The following ATG10 variants were observed in gnomAD, a reference collection of about 807,000 sequenced individuals.
The protein encoded by ATG10 is autophagy related 10.
ATG10 carries 30 observed loss-of-function variants against 32.1 expected under a neutral mutation model. The ratio of observed to expected loss-of-function variants is 0.94; its 90% CI spans 0.70 to 1.27. The LOEUF (loss-of-function observed/expected upper bound fraction) is 1.27. Among genes scored for constraint, ATG10 ranks in the 50% most tolerant of loss-of-function variants. ATG10 has a pLI of 0.00. For missense variants in ATG10, 233 were observed against 262.3 expected, an observed-to-expected ratio of 0.89 and a Z score of 0.77; for synonymous variants, 87 against 91.5, an observed-to-expected ratio of 0.95 and a Z score of 0.28.
At chr5:82,160,585 C>T (rs1036082238) in intron 3 of ATG10, among the ~76,000 whole-genome samples, 4 of 152,110 alleles carry the variant, frequency 2.6e-5, no homozygotes, top group Admixed American at 1.3e-4. Context: ...TATGGTTTTC[C>T]AGAGAGGCTA....
intron 1 of ATG10, among the ~76,000 whole-genome samples, chr5:81,982,866 G>T (rs943543306): frequency 3.9e-5 from 6 of 152,220 alleles, no homozygotes; most frequent in African/African-American, 1.4e-4. Context: ...GTTTCAGAGA[G>T]CACAGGGTTG....
intron 3 of ATG10, among the ~76,000 whole-genome samples, chr5:82,159,351 A>C (rs948109839): frequency 6.6e-6 from 1 of 152,114 alleles, no homozygotes; most frequent in Non-Finnish European, 1.5e-5. Context: ...ATGGTTGATC[A>C]TGGGTAATTG....
chr5:82,119,143 T>A (rs1765940183), intron 3 of ATG10, among the ~76,000 whole-genome samples: 1 of 152,202 alleles, frequency 6.6e-6, no homozygotes, highest in Admixed American at 6.5e-5. Flanking sequence ...TTTATTAATA[T>A]GTTTCCATTT....
At chr5:82,018,262 T>A (rs1762340741) in intron 2 of ATG10, among the ~76,000 whole-genome samples, 1 of 149,458 alleles carries the variant, frequency 6.7e-6, no homozygotes, top group Non-Finnish European at 1.5e-5. Context: ...AACTCCTTTA[T>A]TTTTTTTACA....
intron 3 of ATG10, among the ~76,000 whole-genome samples, chr5:82,082,540 A>T: frequency 6.6e-6 from 1 of 152,144 alleles, no homozygotes; most frequent in Non-Finnish European, 1.5e-5. Context: ...TGGTTAATTT[A>T]TTCTAAATCC....
intron 2 of ATG10, among the ~76,000 whole-genome samples, chr5:82,022,143 T>G (rs573920556): frequency 6.7e-6 from 1 of 148,560 alleles, no homozygotes; most frequent in South Asian, 2.2e-4. Flanking sequence ...GAGCCGAGAT[T>G]GCGCCACTGC....
At chr5:82,175,255 C>T (rs1743966998) in intron 4 of ATG10, among the ~76,000 whole-genome samples, 1 of 152,164 alleles carries the variant, frequency 6.6e-6, no homozygotes, top group Non-Finnish European at 1.5e-5. Context: ...GGGATTGCAG[C>T]TAAAGGACTC....
intron 5 of ATG10, among the ~76,000 whole-genome samples, chr5:82,195,111 C>A (rs1437925950): frequency 6.6e-6 from 1 of 152,096 alleles, no homozygotes; most frequent in Non-Finnish European, 1.5e-5. Flanking sequence ...TAGTGTTGAC[C>A]CTGCTGGTCC....
intron 3 of ATG10, among the ~76,000 whole-genome samples, chr5:82,131,274 G>T (rs537376041): frequency 6.6e-6 from 1 of 152,234 alleles, no homozygotes; most frequent in South Asian, 2.1e-4. Context: ...ATTAATATGG[G>T]AGTAGTCTGA....
At chr5:82,235,434 T>C (rs911331437) in intron 5 of ATG10, among the ~76,000 whole-genome samples, 2 of 152,348 alleles carry the variant, frequency 1.3e-5, no homozygotes, top group Non-Finnish European at 2.9e-5. Flanking sequence ...CTCTGTCTCT[T>C]TATCTTTAAT....
chr5:81,981,247 A>T (rs1761040628), intron 1 of ATG10, among the ~76,000 whole-genome samples: 1 of 152,198 alleles, frequency 6.6e-6, no homozygotes, highest in Non-Finnish European at 1.5e-5. Flanking sequence ...CTAATCTTTT[A>T]GCATGATTCC....
intron 5 of ATG10, among the ~76,000 whole-genome samples, chr5:82,188,036 C>T (rs562618593): frequency 2.0e-5 from 3 of 152,258 alleles, no homozygotes; most frequent in South Asian, 2.1e-4. Flanking sequence ...GACCACTAAC[C>T]GCTCATTAAG....
chr5:82,002,297 T>C (rs1761872753), intron 2 of ATG10, among the ~76,000 whole-genome samples: 1 of 152,138 alleles, frequency 6.6e-6, no homozygotes, highest in Non-Finnish European at 1.5e-5. Context: ...GGATTCCAAA[T>C]ATATTCCAAA....
intron 3 of ATG10, among the ~76,000 whole-genome samples, chr5:82,120,435 A>G (rs973695710): frequency 6.6e-6 from 1 of 152,178 alleles, no homozygotes; most frequent in African/African-American, 2.4e-5. Context: ...AAAAAGTCAC[A>G]AATAGATGGA....
At chr5:81,991,097 A>C (rs1668560296) in intron 2 of ATG10, among the ~76,000 whole-genome samples, 1 of 152,226 alleles carries the variant, frequency 6.6e-6, no homozygotes, top group African/African-American at 2.4e-5. Context: ...AAGGGGCTCT[A>C]GGCAAAGCAG....
chr5:82,093,140 G>C (rs564829638), intron 3 of ATG10, among the ~76,000 whole-genome samples: 1 of 152,130 alleles, frequency 6.6e-6, no homozygotes, highest in Admixed American at 6.6e-5. Context: ...CATATTTCTT[G>C]TTCTTGAGGT....
chr5:82,062,890 G>C (rs1255159858), intron 3 of ATG10, among the ~76,000 whole-genome samples: 2 of 152,140 alleles, frequency 1.3e-5, no homozygotes, highest in Non-Finnish European at 2.9e-5. Flanking sequence ...TACTTTCCTA[G>C]ATCAACATTA....
chr5:82,104,146 G>A (rs539595036), intron 3 of ATG10, among the ~76,000 whole-genome samples: 8 of 152,120 alleles, frequency 5.3e-5, no homozygotes, highest in African/African-American at 1.9e-4. Context: ...GTACTGGTAT[G>A]AACATTCTTA....
chr5:81,994,320 G>A (rs981829254), intron 2 of ATG10, among the ~76,000 whole-genome samples: 1 of 151,948 alleles, frequency 6.6e-6, no homozygotes. Flanking sequence ...TTCCTTTCAC[G>A]CTGTCTCCAG....
Sources: allele counts gnomAD v4.1 joint callset (sites outside exome capture counted in the v4.1 genomes callset), GRCh38; gene constraint gnomAD v4.1.1; transcripts MANE v1.5; gene names NCBI Gene and HGNC (gene_info 2026-07-23, HGNC 2026-07-21).